Variants in COLEC12 observed in about 807,000 individuals in gnomAD.
COLEC12 encodes the protein collectin subfamily member 12, also known as collectin-12.
COLEC12 carries 33 observed loss-of-function variants against 71.1 expected under a neutral mutation model. That is an observed-to-expected ratio of 0.46 (90% CI 0.35 to 0.62). The LOEUF (loss-of-function observed/expected upper bound fraction) is 0.62. Ranked by LOEUF, COLEC12 falls within the 20% of genes least tolerant of loss-of-function variation. COLEC12 has a pLI of 0.00. For synonymous variants in COLEC12, 350 were observed against 353.0 expected (o/e 0.99, Z 0.10); for missense variants, 765 against 916.1 (o/e 0.84, Z 2.13).
At chr18:384,492 T>C (rs1915301259) in intron 2 of COLEC12, among the ~76,000 whole-genome samples, 1 of 152,142 alleles carries the variant, frequency 6.6e-6, no homozygotes, top group Non-Finnish European at 1.5e-5. Flanking sequence ...AGTTATTTTG[T>C]TTTCCCTGCA....
At chr18:372,973 T>C (rs1163038058) in intron 2 of COLEC12, among the ~76,000 whole-genome samples, 2 of 152,088 alleles carry the variant, frequency 1.3e-5, no homozygotes, top group Non-Finnish European at 2.9e-5. Context: ...CAAAAGGCAA[T>C]GAATCCCTCT....
chr18:374,125 A>C (rs971035612), intron 2 of COLEC12, among the ~76,000 whole-genome samples: 1 of 152,220 alleles, frequency 6.6e-6, no homozygotes, highest in Admixed American at 6.5e-5. Context: ...AAATGATCTA[A>C]TACAGAGAGT....
chr18:347,050 T>C lies in COLEC12; in HGVS notation c.572A>G (p.Asn191Ser). Residue 191 changes from asparagine to serine, a missense_variant, in exon 5 of 10, where the codon AAT becomes AGT. Physicochemically the swap from Asn to Ser is conservative, Grantham distance 46 (BLOSUM62 1). Transcript: ENST00000400256. ...ATGAGAATACATTTGGTTCTGCAGATTGCCCTGGAGCACGCTGGTATCTTG... is the reference window on the plus strand; with the variant it reads ...ATGAGAATACATTTGGTTCTGCAGACTGCCCTGGAGCACGCTGGTATCTTG... ...LQQDTSVLQGNLQNQMYSHNV... is the reference protein window; with the variant it reads ...LQQDTSVLQGSLQNQMYSHNV... The C allele has an allele frequency of 6.2e-7, 1 of 1,614,222 alleles. No homozygotes were observed. Among genetic ancestry groups the C allele is most frequent in the Non-Finnish European group, 8.5e-7 (1 of 1,180,028 alleles).
chr18:427,434 G>T (rs968705046), intron 2 of COLEC12, among the ~76,000 whole-genome samples: 1 of 152,184 alleles, frequency 6.6e-6, no homozygotes. Flanking sequence ...AGAATCTGAG[G>T]TCATCAAGTC....
intron 2 of COLEC12, among the ~76,000 whole-genome samples, chr18:444,500 C>T (rs1337453197): frequency 6.6e-6 from 1 of 152,112 alleles, no homozygotes; most frequent in African/African-American, 2.4e-5. Flanking sequence ...AGCCCATATT[C>T]ACATTTCAAT....
At chr18:338,102 T>C (rs1170641866) in intron 5 of COLEC12, among the ~76,000 whole-genome samples, 6 of 152,188 alleles carry the variant, frequency 3.9e-5, no homozygotes, top group Non-Finnish European at 8.8e-5. Flanking sequence ...GTCTCGCCTG[T>C]GTTTATTCCA....
chr18:423,097 C>T (rs1916129833), intron 2 of COLEC12, among the ~76,000 whole-genome samples: 1 of 126,086 alleles, frequency 7.9e-6, no homozygotes, highest in African/African-American at 2.8e-5. Flanking sequence ...ATAGTGAGAC[C>T]CCATCTCTAA....
chr18:320,826 G>C (rs777904830), intron 9 of COLEC12, among the ~76,000 whole-genome samples: 3 of 152,162 alleles, frequency 2.0e-5, no homozygotes, highest in Non-Finnish European at 4.4e-5. Context: ...ATTCCAAAGA[G>C]GGTCGTGTGT....
At chr18:410,876 A>G (rs1915880448) in intron 2 of COLEC12, among the ~76,000 whole-genome samples, 1 of 152,178 alleles carries the variant, frequency 6.6e-6, no homozygotes, top group Admixed American at 6.5e-5. Flanking sequence ...AATGCTCAAC[A>G]CCAGCCAAAA....
In COLEC12 at chr18:331,714, GCT is replaced by G. The variant is rs1467516254; in HGVS notation, c.2015_2016del (p.Glu672AlafsTer2). 1 of 1,613,866 alleles carries G rather than the reference GCT, an allele frequency of 6.2e-7. No homozygotes were observed. The highest frequency in any genetic ancestry group is 8.5e-7 in the Non-Finnish European group (1 of 1,179,792). On this transcript the variant is annotated frameshift_variant, in exon 8 of 10. Coordinates refer to ENST00000400256, the MANE Select transcript of COLEC12 (RefSeq NM_130386.3). LOFTEE classifies it high-confidence loss of function. ...ESHWIGLTDS[E>X]RENEWKWLDG... ...TCCAGCCACTTCCATTCATTTTCAC[GCT>G]CTGAGTCTGTGAGGCCGATCCAGTG...
chr18:432,269 A>G (rs1940427), intron 2 of COLEC12, among the ~76,000 whole-genome samples: 129,676 of 152,192 alleles, frequency 0.85, 56,507 homozygotes, highest in East Asian at 0.99. Context: ...TGAGACCTAC[A>G]TTAAAATATT....
At position 346,217 on chromosome 18, in the gene COLEC12, A is replaced by G. The variant is rs1163801691; in HGVS notation, c.1327+78T>C. The G allele has an allele frequency of 2.7e-6, 3 of 1,127,288 alleles. No individual in the cohort carries two copies. In the African/African-American group the frequency reaches 4.7e-5, roughly 18 times the overall value. 69.8% of individuals were successfully genotyped at this position (1,127,288 alleles called of 1,614,324 possible). ...TGAGATGATGAATATTTATTGTTTTAAATTGCCAAGTTTTAGAGTAACTTG... is the reference window on the plus strand; with the variant it reads ...TGAGATGATGAATATTTATTGTTTTGAATTGCCAAGTTTTAGAGTAACTTG... On this transcript the variant is annotated intron_variant, in intron 5 of 9. Coordinates refer to ENST00000400256, the MANE Select transcript of COLEC12 (RefSeq NM_130386.3). This position sits in a 1 kb window ranked among gnomAD's most constrained non-coding sequence, Gnocchi z 4.0.
intron 2 of COLEC12, among the ~76,000 whole-genome samples, chr18:411,275 A>G (rs1915888906): frequency 6.6e-6 from 1 of 152,202 alleles, no homozygotes; most frequent in African/African-American, 2.4e-5. Flanking sequence ...GATGTGATTC[A>G]GAGTCTAGTA....
At chr18:365,270 A>T (rs570259336) in intron 2 of COLEC12, among the ~76,000 whole-genome samples, 1 of 152,340 alleles carries the variant, frequency 6.6e-6, no homozygotes, top group South Asian at 2.1e-4. Context: ...CCCTAAATAA[A>T]TGCTCATTCT....
rs750400481 is a variant in COLEC12, at chr18:500,542, G to A, written c.-28C>T. The A allele has an allele frequency of 1.6e-4, 190 of 1,222,218 alleles. No homozygotes were observed. The highest frequency in any genetic ancestry group is 3.1e-4 in the Middle Eastern group (1 of 3,182). 75.7% of individuals were successfully genotyped at this position (1,222,218 alleles called of 1,614,324 possible). A position where few individuals can be genotyped will look rare whatever the true frequency, so the allele number is the denominator to read the frequency against. On this transcript the variant is annotated 5_prime_UTR_variant, in exon 1 of 10. Coordinates refer to ENST00000400256, the MANE Select transcript of COLEC12 (RefSeq NM_130386.3). This position sits in a 1 kb window ranked among gnomAD's most constrained non-coding sequence, Gnocchi z 5.3. ...TGACCGTGGGGACGCACCGCCGGCC[G>A]GGGAGCTCCGCGCGAGCGCCGCGCA... is the stretch of plus-strand genomic sequence containing the variant.
At chr18:485,785 G>A (rs1917508020) in intron 1 of COLEC12, among the ~76,000 whole-genome samples, 1 of 152,216 alleles carries the variant, frequency 6.6e-6, no homozygotes, top group Admixed American at 6.5e-5. Flanking sequence ...TGTGGACCAA[G>A]TTGGGCACTA....
intron 2 of COLEC12, among the ~76,000 whole-genome samples, chr18:435,342 AAAG>A (rs1916383428): frequency 6.6e-6 from 1 of 152,242 alleles, no homozygotes. Context: ...GGCAGAAGGC[AAAG>A]AAGAGGCAGG....
At chr18:349,151 C>T (rs1914450854) in intron 3 of COLEC12, among the ~76,000 whole-genome samples, 1 of 152,232 alleles carries the variant, frequency 6.6e-6, no homozygotes, top group African/African-American at 2.4e-5. Flanking sequence ...CCCTTTCCAT[C>T]ACTGGCCTGG....
intron 2 of COLEC12, among the ~76,000 whole-genome samples, chr18:444,457 G>T (rs1243218160): frequency 6.6e-6 from 1 of 152,016 alleles, no homozygotes; most frequent in African/African-American, 2.4e-5. Flanking sequence ...TATACCATCA[G>T]TACTGTGAAT....
Sources: allele counts gnomAD v4.1 joint callset (sites outside exome capture counted in the v4.1 genomes callset), GRCh38; gene constraint gnomAD v4.1.1; non-coding constraint Gnocchi (gnomAD v3.1); transcripts MANE v1.5; gene names NCBI Gene and HGNC (gene_info 2026-07-23, HGNC 2026-07-21).